The following NKAIN2 variants were observed in gnomAD, a reference collection of about 807,000 sequenced individuals.
NKAIN2 encodes sodium/potassium-transporting ATPase subunit beta-1-interacting protein 2.
Under a neutral mutation model 32.6 loss-of-function variants are expected in NKAIN2, and 14 were observed. The observed-to-expected ratio is 0.43, with a 90% CI of 0.28 to 0.67. The LOEUF is 0.67. Among genes scored for constraint, NKAIN2 ranks in the 30% least tolerant of loss-of-function variants. The pLI is 0.17. For missense variants in NKAIN2, 198 were observed against 258.3 expected, an observed-to-expected ratio of 0.77 and a Z score of 1.60; for synonymous variants, 80 against 87.2, an observed-to-expected ratio of 0.92 and a Z score of 0.46.
chr6:124,158,177 C>G (rs768816284), intron 1 of NKAIN2, among the ~76,000 whole-genome samples: 3 of 152,164 alleles, frequency 2.0e-5, no homozygotes, highest in Non-Finnish European at 4.4e-5. Flanking sequence ...TGAGGCCTCT[C>G]TGCTTGGCTT....
chr6:124,650,662 T>C (rs1044828996), intron 3 of NKAIN2, among the ~76,000 whole-genome samples: 1 of 152,124 alleles, frequency 6.6e-6, no homozygotes. Flanking sequence ...AGCTCATTCA[T>C]GACAGTGGAG....
At chr6:123,916,178 G>A (rs773254288) in intron 1 of NKAIN2, among the ~76,000 whole-genome samples, 1 of 152,126 alleles carries the variant, frequency 6.6e-6, no homozygotes, top group Non-Finnish European at 1.5e-5. Flanking sequence ...TGAGATAAGA[G>A]GGTATCATGA....
At chr6:124,257,894 T>C (rs542200059) in intron 1 of NKAIN2, among the ~76,000 whole-genome samples, 1 of 151,016 alleles carries the variant, frequency 6.6e-6, no homozygotes, top group Non-Finnish European at 1.5e-5. Flanking sequence ...TTCTCCTACC[T>C]CAGCCTCCCA....
chr6:124,035,367 A>T (rs7769160), intron 1 of NKAIN2, among the ~76,000 whole-genome samples: 18,664 of 152,082 alleles, frequency 0.12, 3,502 homozygotes, highest in African/African-American at 0.41. Flanking sequence ...CTTTTTCCTC[A>T]GCCTGCTTAA....
At chr6:124,552,512 T>A (rs1312853972) in intron 3 of NKAIN2, among the ~76,000 whole-genome samples, 1 of 152,218 alleles carries the variant, frequency 6.6e-6, no homozygotes, top group African/African-American at 2.4e-5. Context: ...GTGTTTTAGA[T>A]GTAGAAGAGA....
At chr6:124,738,172 CAAT>C (rs1267598523) in intron 4 of NKAIN2, among the ~76,000 whole-genome samples, 2 of 151,796 alleles carry the variant, frequency 1.3e-5, no homozygotes, top group African/African-American at 2.4e-5. Flanking sequence ...TAAAAAGTAA[CAAT>C]AATATTACCT....
intron 1 of NKAIN2, among the ~76,000 whole-genome samples, chr6:123,929,516 G>T (rs78938801): frequency 0.01 from 1,538 of 152,180 alleles, 22 homozygotes; most frequent in African/African-American, 0.035. Context: ...TAAAAGAAAA[G>T]AAAATCTAAC....
At chr6:124,057,119 G>A (rs1050648140) in intron 1 of NKAIN2, among the ~76,000 whole-genome samples, 2 of 152,022 alleles carry the variant, frequency 1.3e-5, no homozygotes, top group East Asian at 1.9e-4. Flanking sequence ...TAACCCATTT[G>A]CTAAGTAAAT....
intron 4 of NKAIN2, among the ~76,000 whole-genome samples, chr6:124,784,638 G>C (rs897054838): frequency 6.6e-6 from 1 of 151,998 alleles, no homozygotes; most frequent in Non-Finnish European, 1.5e-5. Flanking sequence ...ACAGAATGAC[G>C]CTGGGGTTGC....
intron 1 of NKAIN2, among the ~76,000 whole-genome samples, chr6:123,864,183 C>T (rs1775896298): frequency 6.6e-6 from 1 of 152,152 alleles, no homozygotes; most frequent in South Asian, 2.1e-4. Flanking sequence ...TCCCAGATTT[C>T]TATAGCCTGT....
chr6:124,503,618 T>C (rs1242317405), intron 3 of NKAIN2, among the ~76,000 whole-genome samples: 2 of 152,102 alleles, frequency 1.3e-5, no homozygotes, highest in African/African-American at 4.8e-5. Flanking sequence ...AATTAGAAGT[T>C]CTGTTTCTCT....
At chr6:124,024,422 T>C (rs1781012052) in intron 1 of NKAIN2, among the ~76,000 whole-genome samples, 1 of 152,136 alleles carries the variant, frequency 6.6e-6, no homozygotes, top group Non-Finnish European at 1.5e-5. Flanking sequence ...CACTGCTAAG[T>C]TGCACAGTCA....
intron 1 of NKAIN2, among the ~76,000 whole-genome samples, chr6:124,252,695 A>G (rs554679095): frequency 2.6e-5 from 4 of 152,294 alleles, no homozygotes; most frequent in Non-Finnish European, 5.9e-5. Flanking sequence ...AAGAAGATCC[A>G]GTTGCTTCTC....
At chr6:124,216,585 T>C (rs1180751631) in intron 1 of NKAIN2, among the ~76,000 whole-genome samples, 1 of 152,228 alleles carries the variant, frequency 6.6e-6, no homozygotes, top group Non-Finnish European at 1.5e-5. Flanking sequence ...ATTTTCGTTA[T>C]AATTTCACTG....
At chr6:124,799,863 C>G (rs1780174195) in intron 5 of NKAIN2, among the ~76,000 whole-genome samples, 2 of 152,108 alleles carry the variant, frequency 1.3e-5, no homozygotes, top group Non-Finnish European at 2.9e-5. Flanking sequence ...GGTGCAGACC[C>G]CCACAGCCTA....
intron 3 of NKAIN2, among the ~76,000 whole-genome samples, chr6:124,520,864 C>T (rs1779092950): frequency 6.6e-6 from 1 of 152,220 alleles, no homozygotes; most frequent in Admixed American, 6.5e-5. Context: ...TAAATCACTT[C>T]AAACTCTCAG....
intron 1 of NKAIN2, among the ~76,000 whole-genome samples, chr6:124,249,637 G>A (rs564272026): frequency 8.6e-5 from 13 of 150,668 alleles, no homozygotes; most frequent in Middle Eastern, 6.8e-3. Flanking sequence ...ACACACACAC[G>A]CACAACAAGG....
chr6:124,178,125 G>C (rs567779956), intron 1 of NKAIN2, among the ~76,000 whole-genome samples: 3 of 152,034 alleles, frequency 2.0e-5, no homozygotes, highest in Non-Finnish European at 2.9e-5. Context: ...CAGCAAAAAG[G>C]TGCCATGTAA....
At chr6:124,242,792 A>G (rs982899188) in intron 1 of NKAIN2, among the ~76,000 whole-genome samples, 4 of 152,044 alleles carry the variant, frequency 2.6e-5, no homozygotes, top group Non-Finnish European at 5.9e-5. Flanking sequence ...ACAGGAACAG[A>G]AAACTAAACA....
Sources: gnomAD v4.1 joint callset for allele counts (sites outside exome capture counted in the v4.1 genomes callset) on GRCh38, gnomAD v4.1.1 for gene constraint, MANE v1.5 for transcripts, NCBI Gene and HGNC (gene_info 2026-07-23, HGNC 2026-07-21) for gene names.